Variants in PTPRS observed in about 807,000 individuals in gnomAD.
PTPRS encodes the protein receptor-type tyrosine-protein phosphatase S.
Under a neutral mutation model 215.3 loss-of-function variants are expected in PTPRS, and 63 were observed. That is an observed-to-expected ratio of 0.29 (90% CI 0.24 to 0.36). The LOEUF is 0.36. Among genes scored for constraint, PTPRS ranks in the 10% least tolerant of loss-of-function variants. The pLI, the probability that PTPRS is intolerant of heterozygous loss-of-function variation, is 1.00. For synonymous variants in PTPRS, 1,404 were observed against 1,191.4 expected (o/e 1.18, Z -3.68); for missense variants, 2,258 against 2,825.8 (o/e 0.80, Z 4.56).
chr19:5,229,542 G>A lies in PTPRS; in HGVS notation c.2298C>T (p.Ala766=). 7 of 1,464,554 alleles carry A rather than the reference G, an allele frequency of 4.8e-6. No homozygotes were observed. The highest frequency in any genetic ancestry group is 6.3e-6 in the Non-Finnish European group (7 of 1,110,406). 90.7% of individuals were successfully genotyped at this position (1,464,554 alleles called of 1,614,324 possible). A position where few individuals can be genotyped will look rare whatever the true frequency, so the allele number is the denominator to read the frequency against. Residue 766 remains alanine, a synonymous_variant, in exon 15 of 38, where the codon GCC becomes GCT. Coordinates refer to ENST00000262963, the MANE Select transcript of PTPRS (RefSeq NM_002850.4). ...TGATGCGCGGCGGCCCGCGGGCCTC[G>A]GCGCCCTCCATGCGCACGTAGTGGA... ...YQVHYVRMEG[A]EARGPPRIKD... is the part of the protein sequence containing the mutation.
intron 1 of PTPRS, among the ~76,000 whole-genome samples, chr19:5,314,795 C>T (rs1307132605): frequency 6.6e-6 from 1 of 152,134 alleles, no homozygotes; most frequent in African/African-American, 2.4e-5. Context: ...TTCGAGACAT[C>T]ACAGGTTATC....
At chr19:5,269,565 C>T (rs2046727942) in intron 4 of PTPRS, among the ~76,000 whole-genome samples, 1 of 151,924 alleles carries the variant, frequency 6.6e-6, no homozygotes, top group Non-Finnish European at 1.5e-5. Flanking sequence ...GGCCCCGGGC[C>T]CCAGCAGGAA....
intron 2 of PTPRS, among the ~76,000 whole-genome samples, chr19:5,279,516 C>A (rs142135815): frequency 6.6e-6 from 1 of 151,686 alleles, no homozygotes; most frequent in East Asian, 2.0e-4. Context: ...GAACCACAGG[C>A]GCTTGCTACC....
At chr19:5,298,684 G>A (rs145632923) in intron 1 of PTPRS, among the ~76,000 whole-genome samples, 43 of 152,344 alleles carry the variant, frequency 2.8e-4, no homozygotes, top group African/African-American at 8.2e-4. Context: ...CAGCCGCACC[G>A]CAGCGGGCAT....
chr19:5,340,639 A>AT (rs202042466), intron 1 of PTPRS, 25 bp downstream of exon 1: 16,578 of 133,734 alleles, frequency 0.12, 1,616 homozygotes, highest in African/African-American at 0.27. Flanking sequence ...CTAATCCATG[A>AT]TTTTATTTTT....
At chr19:5,320,821 C>G (rs1031994780) in intron 1 of PTPRS, among the ~76,000 whole-genome samples, 1 of 152,186 alleles carries the variant, frequency 6.6e-6, no homozygotes, top group Non-Finnish European at 1.5e-5. Context: ...CCCAAGGGAG[C>G]CTGGATGGTT....
At chr19:5,236,278 G>A (rs2043435678) in intron 13 of PTPRS, among the ~76,000 whole-genome samples, 2 of 152,210 alleles carry the variant, frequency 1.3e-5, no homozygotes, top group African/African-American at 4.8e-5. Flanking sequence ...CCATTTTACA[G>A]GTGAGGAAAC....
Position 5,205,936 on chromosome 19 carries a change from T to TTGA in PTPRS, c.*835_*837dup, listed in dbSNP as rs1479511671. ...CATGACCTTACCCTCAGAACTGTAT[T>TTGA]TGATATGTCTGAAAATTTAATTTAT... is the stretch of plus-strand genomic sequence containing the variant. On this transcript the variant is annotated 3_prime_UTR_variant, in exon 38 of 38. Coordinates refer to ENST00000262963, the MANE Select transcript of PTPRS (RefSeq NM_002850.4). Among the ~76,000 whole-genome samples, 2 of 151,502 alleles carry TTGA rather than the reference T, an allele frequency of 1.3e-5. No homozygotes were observed. The highest frequency in any genetic ancestry group is 4.9e-5 in the African/African-American group (2 of 41,170).
rs545658474 is a variant in PTPRS, at chr19:5,206,060, T to TAAAAAAAAAAAAAAAAA, written c.*697_*713dup. Among the ~76,000 whole-genome samples the TAAAAAAAAAAAAAAAAA allele has an allele frequency of 1.4e-5, 1 of 70,258 alleles. No homozygotes were observed. The highest frequency in any genetic ancestry group is 2.9e-5 in the Non-Finnish European group (1 of 34,806). 46.1% of individuals were successfully genotyped at this position (70,258 alleles called of 152,430 possible). A position where few individuals can be genotyped will look rare whatever the true frequency, so the allele number is the denominator to read the frequency against. ...CACACTTTCTGATGGTAGGAAAAAT[T>TAAAAAAAAAAAAAAAAA]AAAAAAAAAAAAAAAAAAAAAAAAG... is the stretch of plus-strand genomic sequence containing the variant. On this transcript the variant is annotated 3_prime_UTR_variant, in exon 38 of 38. Transcript: ENST00000262963.
intron 2 of PTPRS, among the ~76,000 whole-genome samples, chr19:5,284,376 AAAATAAAT>A (rs367661299): frequency 0.012 from 1,449 of 119,564 alleles, 11 homozygotes; most frequent in Middle Eastern, 0.024. Flanking sequence ...TTAATTAATT[AAAATAAAT>A]AAATAAATAA....
chr19:5,263,783 G>C (rs575970015), intron 5 of PTPRS, among the ~76,000 whole-genome samples: 2 of 152,246 alleles, frequency 1.3e-5, no homozygotes, highest in Admixed American at 6.5e-5. Context: ...GCACAGGCAC[G>C]GGAGTGACTG....
chr19:5,218,406 G>C lies in PTPRS; in HGVS notation c.4048+14C>G. On this transcript the variant is annotated intron_variant, in intron 25 of 37. Transcript: ENST00000262963. ...CTGTTGGTGGCATCCCTGGTACCAGGGATAAGTACATACCTGGAGTCTGGA... is the reference window on the plus strand; with the variant it reads ...CTGTTGGTGGCATCCCTGGTACCAGCGATAAGTACATACCTGGAGTCTGGA... 6.2e-7 allele frequency: 1 copy of C among 1,608,140 alleles called. No homozygotes were observed. The highest frequency in any genetic ancestry group is 8.5e-7 in the Non-Finnish European group (1 of 1,176,138).
rs1424006414 is a variant in PTPRS, at chr19:5,260,958, G to C, written c.578-136C>G. 8.6e-6 allele frequency: 9 copies of C among 1,052,192 alleles called. No homozygotes were observed. The African/African-American group carries it at 1.4e-4, about 17-fold the overall frequency. 65.2% of individuals were successfully genotyped at this position (1,052,192 alleles called of 1,614,324 possible). A position where few individuals can be genotyped will look rare whatever the true frequency, so the allele number is the denominator to read the frequency against. The stretch of plus-strand genomic sequence containing the variant: ...CCAGGGAGGGGATCGAGCCAGCCCT[G>C]GGCATACGGACCCTGCGGGCTTTGC... On this transcript the variant is annotated intron_variant, in intron 6 of 37. Transcript: ENST00000262963.
intron 12 of PTPRS, among the ~76,000 whole-genome samples, chr19:5,239,565 C>CACAGAGACAGAGAAATAGAG (rs1247049218): frequency 2.0e-5 from 3 of 149,358 alleles, no homozygotes; most frequent in East Asian, 4.0e-4. Context: ...GAGATAGACA[C>CACAGAGACAGAGAAATAGAG]ACAGAGACAG....
intron 6 of PTPRS, among the ~76,000 whole-genome samples, chr19:5,262,705 T>C (rs1272525489): frequency 6.6e-6 from 1 of 151,188 alleles, no homozygotes; most frequent in Non-Finnish European, 1.5e-5. Flanking sequence ...CTTGTCTCTT[T>C]TCCTCTTTTC....
In PTPRS at chr19:5,225,766, C is replaced by T. The variant is rs751437578; in HGVS notation, c.2455G>A (p.Ala819Thr). 4.2e-5 allele frequency: 67 copies of T among 1,613,946 alleles called. No homozygotes were observed. Among genetic ancestry groups the T allele is most frequent in the African/African-American group, 1.3e-4 (10 of 74,916 alleles). ...VAAYTMKGDG[A>T]RSKPKVVVTK... ...ACAACCACCTTGGGTTTGCTGCGAG[C>T]GCCATCGCCCTTCATGGTGTAGGCG... Residue 819 changes from alanine to threonine, a missense_variant, in exon 17 of 38, where the codon GCT becomes ACT. Ala to Thr is a moderately conservative substitution (Grantham distance 58). Around this residue, in one of 6 missense-constraint regions of PTPRS, gnomAD observed 371 missense variants for 446.7 expected, o/e 0.83. Coordinates refer to ENST00000262963, the MANE Select transcript of PTPRS (RefSeq NM_002850.4).
intron 35 of PTPRS, 95 bp from the exon 36 acceptor site, chr19:5,208,486 T>C: frequency 1.6e-6 from 2 of 1,258,710 alleles, no homozygotes; most frequent in South Asian, 1.9e-5. Flanking sequence ...TTTTTGTTTG[T>C]TTGTTTGTTT....
chr19:5,225,981 A>G (rs1461710528), intron 16 of PTPRS, 137 bp from the exon 17 acceptor site: 12 of 692,626 alleles, frequency 1.7e-5, no homozygotes, highest in Non-Finnish European at 2.5e-5. Flanking sequence ...GAGCTCATGC[A>G]GAGACCACGA....
chr19:5,305,920 A>G lies in PTPRS; in HGVS notation c.-94-19686T>C, dbSNP rs1383213263. On this transcript the variant is annotated intron_variant, in intron 1 of 37. Coordinates refer to ENST00000262963, the MANE Select transcript of PTPRS (RefSeq NM_002850.4). Reference sequence around the variant, plus strand: ...GCGCCACTGCACTCCAGCCTGGGCGACAGAGCAAGACTCCGTCTCAAAAAA... The same window carrying G: ...GCGCCACTGCACTCCAGCCTGGGCGGCAGAGCAAGACTCCGTCTCAAAAAA... Among the ~76,000 whole-genome samples the G allele has an allele frequency of 3.5e-5, 4 of 115,738 alleles. No individual in the cohort carries two copies. In the South Asian group the frequency reaches 1.5e-3, roughly 44 times the overall value. 75.9% of individuals were successfully genotyped at this position (115,738 alleles called of 152,430 possible).
Sources: gnomAD v4.1 joint callset for allele counts (sites outside exome capture counted in the v4.1 genomes callset) on GRCh38, gnomAD v4.1.1 for gene constraint, gnomAD v4.1.1 regional missense constraint, MANE v1.5 for transcripts, NCBI Gene and HGNC (gene_info 2026-07-23, HGNC 2026-07-21) for gene names.